The following RBFOX1 variants were observed in gnomAD, a reference collection of about 807,000 sequenced individuals.
RBFOX1 encodes RNA binding protein fox-1 homolog 1.
A neutral mutation model predicts 57.7 loss-of-function variants in RBFOX1; 8 were observed. The observed-to-expected ratio is 0.14, with a 90% CI of 0.08 to 0.25. The LOEUF is 0.25. Among genes scored for constraint, RBFOX1 ranks in the 10% least tolerant of loss-of-function variants. RBFOX1 has a pLI of 1.00. For missense variants in RBFOX1, 611 were observed against 548.5 expected (o/e 1.11, Z -1.14); for synonymous variants, 326 against 222.4 (o/e 1.47, Z -4.15).
intron 3 of RBFOX1, among the ~76,000 whole-genome samples, chr16:5,713,395 C>T (rs747627370): frequency 6.6e-6 from 1 of 152,108 alleles, no homozygotes; most frequent in African/African-American, 2.4e-5. Flanking sequence ...CCATTTGAAC[C>T]ATAGAGATTG....
At chr16:7,213,896 GC>G (rs1199054320) in intron 4 of RBFOX1, among the ~76,000 whole-genome samples, 2 of 152,068 alleles carry the variant, frequency 1.3e-5, no homozygotes, top group Non-Finnish European at 2.9e-5. Flanking sequence ...AGAGGGCTTT[GC>G]CAGCCAGAGG....
At chr16:5,999,232 C>T (rs1036169672) in intron 4 of RBFOX1, among the ~76,000 whole-genome samples, 4 of 152,170 alleles carry the variant, frequency 2.6e-5, no homozygotes, top group Non-Finnish European at 5.9e-5. Flanking sequence ...CTTCTCCCAC[C>T]TTATCTCTAC....
At chr16:6,994,949 G>C in intron 3 of RBFOX1, among the ~76,000 whole-genome samples, 1 of 133,662 alleles carries the variant, frequency 7.5e-6, no homozygotes, top group African/African-American at 3.0e-5. Context: ...ATTATTTTGT[G>C]TGTGTGTGTG....
chr16:5,968,776 T>C (rs1011845855), intron 4 of RBFOX1, among the ~76,000 whole-genome samples: 2 of 152,132 alleles, frequency 1.3e-5, no homozygotes, highest in African/African-American at 2.4e-5. Flanking sequence ...CTCTTTGAAA[T>C]AGGATTTTTA....
chr16:5,294,224 G>T (rs1425649142), intron 1 of RBFOX1, among the ~76,000 whole-genome samples: 1 of 152,000 alleles, frequency 6.6e-6, no homozygotes, highest in Non-Finnish European at 1.5e-5. Context: ...ACAAGATTCT[G>T]TCTCAAAAAC....
intron 2 of RBFOX1, among the ~76,000 whole-genome samples, chr16:6,397,074 T>TATGGGATA (rs1290186667): frequency 1.3e-5 from 2 of 152,132 alleles, no homozygotes; most frequent in Non-Finnish European, 2.9e-5. Flanking sequence ...TAATATCAAA[T>TATGGGATA]GTATACAGCT....
chr16:7,081,325 A>G (rs1017098056), intron 4 of RBFOX1, among the ~76,000 whole-genome samples: 2 of 152,168 alleles, frequency 1.3e-5, no homozygotes, highest in African/African-American at 4.8e-5. Context: ...GTGAGCCACC[A>G]CGCCCGGCCC....
chr16:6,806,645 A>G (rs1034908262), intron 3 of RBFOX1, among the ~76,000 whole-genome samples: 1 of 151,610 alleles, frequency 6.6e-6, no homozygotes, highest in Non-Finnish European at 1.5e-5. Flanking sequence ...TACACGCGGT[A>G]ACAGATTTGT....
chr16:6,734,475 A>G (rs145833818), intron 3 of RBFOX1, among the ~76,000 whole-genome samples: 7 of 152,174 alleles, frequency 4.6e-5, no homozygotes, highest in Admixed American at 3.9e-4. Flanking sequence ...GTATTGCCTC[A>G]TTACAGATGA....
intron 3 of RBFOX1, among the ~76,000 whole-genome samples, chr16:6,678,745 A>G (rs4786907): frequency 0.67 from 102,194 of 151,858 alleles, 36,355 homozygotes; most frequent in East Asian, 0.81. Context: ...TAATTGGAAG[A>G]AGTGCTAAGA....
chr16:7,064,227 G>A (rs2055355940), intron 4 of RBFOX1, among the ~76,000 whole-genome samples: 1 of 145,334 alleles, frequency 6.9e-6, no homozygotes, highest in African/African-American at 2.5e-5. Flanking sequence ...GGAGTGCAGT[G>A]GCGTGATCTC....
At chr16:6,513,120 C>G (rs1238949029) in intron 2 of RBFOX1, among the ~76,000 whole-genome samples, 1 of 152,180 alleles carries the variant, frequency 6.6e-6, no homozygotes, top group African/African-American at 2.4e-5. Context: ...CCAGCTCTAC[C>G]ACCCATTCTT....
At chr16:6,812,291 T>C (rs2088867140) in intron 3 of RBFOX1, among the ~76,000 whole-genome samples, 1 of 152,180 alleles carries the variant, frequency 6.6e-6, no homozygotes. Flanking sequence ...TAGACCAAGC[T>C]AGGACGGTCT....
chr16:7,452,922 A>G (rs1423050116), intron 4 of RBFOX1, among the ~76,000 whole-genome samples: 5 of 152,114 alleles, frequency 3.3e-5, no homozygotes, highest in African/African-American at 1.2e-4. Flanking sequence ...TGAGGCCAGG[A>G]GTTAGAGAAC....
chr16:6,099,640 A>G (rs1187881555), intron 1 of RBFOX1, among the ~76,000 whole-genome samples: 9 of 152,204 alleles, frequency 5.9e-5, no homozygotes, highest in Admixed American at 5.9e-4. Context: ...TCACTGAAGT[A>G]TTCACTTTAG....
At chr16:6,993,395 G>T (rs1335275715) in intron 3 of RBFOX1, among the ~76,000 whole-genome samples, 1 of 152,166 alleles carries the variant, frequency 6.6e-6, no homozygotes, top group Non-Finnish European at 1.5e-5. Context: ...AAATTCATTT[G>T]CTTGGGTTCA....
chr16:5,473,649 G>A (rs2151626718), intron 2 of RBFOX1, among the ~76,000 whole-genome samples: 1 of 131,770 alleles, frequency 7.6e-6, no homozygotes, highest in South Asian at 2.9e-4. Context: ...GTGGGTGGGT[G>A]GATGGACAGA....
chr16:5,355,726 T>C (rs2065371125), intron 1 of RBFOX1, among the ~76,000 whole-genome samples: 1 of 152,100 alleles, frequency 6.6e-6, no homozygotes, highest in African/African-American at 2.4e-5. Flanking sequence ...TTTACAGATA[T>C]AATAAAGAGT....
chr16:7,074,136 A>G (rs188470737), intron 4 of RBFOX1, among the ~76,000 whole-genome samples: 4 of 152,318 alleles, frequency 2.6e-5, no homozygotes, highest in East Asian at 1.9e-4. Flanking sequence ...TGTTTTGTCC[A>G]CTGATTAGGA....
Sources: gnomAD v4.1 joint callset for allele counts (sites outside exome capture counted in the v4.1 genomes callset) on GRCh38, gnomAD v4.1.1 for gene constraint, MANE v1.5 for transcripts, NCBI Gene and HGNC (gene_info 2026-07-23, HGNC 2026-07-21) for gene names.